Variants in ASIC2 observed in about 807,000 individuals in gnomAD.
ASIC2 encodes acid sensing ion channel subunit 2.
In ASIC2, 25 loss-of-function variants were observed where a neutral mutation model predicts 57.3. That is an observed-to-expected ratio of 0.44 (90% CI 0.32 to 0.61). The LOEUF (loss-of-function observed/expected upper bound fraction) is 0.61. Among genes scored for constraint, ASIC2 ranks in the 20% least tolerant of loss-of-function variants. The pLI, the probability that ASIC2 is intolerant of heterozygous loss-of-function variation, is 0.06. For synonymous variants in ASIC2, 319 were observed against 307.5 expected (o/e 1.04, Z -0.39); for missense variants, 641 against 738.1 (o/e 0.87, Z 1.52).
At chr17:33,489,430 C>T (rs770129435) in intron 1 of ASIC2, among the ~76,000 whole-genome samples, 4 of 152,180 alleles carry the variant, frequency 2.6e-5, no homozygotes, top group Non-Finnish European at 5.9e-5. Context: ...AGCCAGTGCT[C>T]GCAGCCAGAA....
intron 1 of ASIC2, chr17:33,579,971 G>T (rs1323721513): frequency 6.6e-6 from 1 of 152,142 alleles, no homozygotes; most frequent in Non-Finnish European, 1.5e-5. Context: ...TTTACAGAGT[G>T]CTGATTGGTA....
chr17:33,118,724 C>T (rs2092290100), intron 1 of ASIC2, among the ~76,000 whole-genome samples: 4 of 152,124 alleles, frequency 2.6e-5, no homozygotes, highest in Non-Finnish European at 4.4e-5. Flanking sequence ...TCCCAGGTCA[C>T]GCAGCTAATC....
chr17:33,528,167 G>GGTGTGTGTGTTT (rs1555541093), intron 1 of ASIC2, among the ~76,000 whole-genome samples: 1 of 143,406 alleles, frequency 7.0e-6, no homozygotes, highest in Non-Finnish European at 1.5e-5. Flanking sequence ...GTATGTGGTA[G>GGTGTGTGTGTTT]GTGTGTGTGT....
At chr17:33,477,274 A>T (rs1913261220) in intron 1 of ASIC2, among the ~76,000 whole-genome samples, 1 of 152,192 alleles carries the variant, frequency 6.6e-6, no homozygotes, top group South Asian at 2.1e-4. Flanking sequence ...TGCCAGTAAC[A>T]TCTAAAAATC....
chr17:33,523,582 G>T (rs1914804883), intron 1 of ASIC2, among the ~76,000 whole-genome samples: 2 of 152,110 alleles, frequency 1.3e-5, no homozygotes, highest in South Asian at 2.1e-4. Flanking sequence ...TCCTGCAGAG[G>T]GTTGCTTAGA....
At chr17:33,366,789 A>C (rs745385122) in intron 1 of ASIC2, among the ~76,000 whole-genome samples, 8 of 152,310 alleles carry the variant, frequency 5.3e-5, no homozygotes, top group Admixed American at 1.3e-4. Flanking sequence ...TAACCATCTA[A>C]GTCCATCTTA....
chr17:33,510,158 G>A (rs1914388020), intron 1 of ASIC2, among the ~76,000 whole-genome samples: 1 of 152,178 alleles, frequency 6.6e-6, no homozygotes, highest in African/African-American at 2.4e-5. Flanking sequence ...CTGAGTTCTT[G>A]TATCTGTACA....
chr17:33,517,596 C>T (rs1382730323), intron 1 of ASIC2, among the ~76,000 whole-genome samples: 1 of 149,952 alleles, frequency 6.7e-6, no homozygotes, highest in Non-Finnish European at 1.5e-5. Flanking sequence ...AGAATCTACT[C>T]TGAGGGTCAA....
chr17:33,258,388 C>A (rs538694275), intron 1 of ASIC2, among the ~76,000 whole-genome samples: 22 of 152,156 alleles, frequency 1.4e-4, no homozygotes, highest in African/African-American at 5.3e-4. Flanking sequence ...TGCTGTGGAG[C>A]AAAATAACAC....
chr17:33,979,288 C>T (rs945137401), intron 1 of ASIC2, among the ~76,000 whole-genome samples: 1 of 152,184 alleles, frequency 6.6e-6, no homozygotes, highest in African/African-American at 2.4e-5. Flanking sequence ...CTGCATGAGA[C>T]CTGGTATAGC....
At chr17:33,033,670 G>A (rs1166903060) in intron 3 of ASIC2, among the ~76,000 whole-genome samples, 2 of 152,236 alleles carry the variant, frequency 1.3e-5, no homozygotes, top group African/African-American at 4.8e-5. Flanking sequence ...GACAGCAGGA[G>A]GCAGATTGAT....
intron 3 of ASIC2, among the ~76,000 whole-genome samples, chr17:33,043,576 T>G (rs2091938222): frequency 1.3e-5 from 2 of 152,234 alleles, no homozygotes; most frequent in African/African-American, 4.8e-5. Context: ...TGCCATTTGA[T>G]TGAAATTGGA....
chr17:33,241,209 T>C (rs912951753), intron 1 of ASIC2, among the ~76,000 whole-genome samples: 1 of 152,242 alleles, frequency 6.6e-6, no homozygotes, highest in African/African-American at 2.4e-5. Context: ...GTTTTATGAA[T>C]GGGTTAACTG....
chr17:33,181,430 A>T (rs545760065), intron 1 of ASIC2, among the ~76,000 whole-genome samples: 2 of 152,324 alleles, frequency 1.3e-5, no homozygotes, highest in South Asian at 4.1e-4. Flanking sequence ...TTAGAACAAC[A>T]GAAGTTTATT....
chr17:33,268,384 TCC>T (rs1909559604), intron 1 of ASIC2, among the ~76,000 whole-genome samples: 3 of 151,892 alleles, frequency 2.0e-5, no homozygotes, highest in Non-Finnish European at 4.4e-5. Flanking sequence ...CATCCATCCA[TCC>T]ATCCATCTAT....
intron 1 of ASIC2, among the ~76,000 whole-genome samples, chr17:33,579,433 T>G (rs1398297943): frequency 2.0e-5 from 3 of 152,088 alleles, no homozygotes; most frequent in African/African-American, 4.8e-5. Flanking sequence ...AGATATAGAC[T>G]AGGGCTGCGG....
chr17:33,385,270 C>A (rs1199724643), intron 1 of ASIC2, among the ~76,000 whole-genome samples: 1 of 152,164 alleles, frequency 6.6e-6, no homozygotes, highest in African/African-American at 2.4e-5. Context: ...TTCCCGGGCT[C>A]TTCACTCTGG....
chr17:33,154,107 C>A (rs933720379), intron 1 of ASIC2, among the ~76,000 whole-genome samples: 7 of 152,184 alleles, frequency 4.6e-5, no homozygotes, highest in African/African-American at 1.7e-4. Flanking sequence ...AGATGTAGGA[C>A]CAAGACAGTC....
At chr17:33,510,999 C>A (rs1914414572) in intron 1 of ASIC2, among the ~76,000 whole-genome samples, 1 of 152,216 alleles carries the variant, frequency 6.6e-6, no homozygotes, top group African/African-American at 2.4e-5. Flanking sequence ...TTACAGCACA[C>A]AGCAATTATT....
Sources: allele counts gnomAD v4.1 joint callset (sites outside exome capture counted in the v4.1 genomes callset), GRCh38; gene constraint gnomAD v4.1.1; transcripts MANE v1.5; gene names NCBI Gene and HGNC (gene_info 2026-07-23, HGNC 2026-07-21).